The following DTNA variants were observed in gnomAD, a reference collection of about 807,000 sequenced individuals.
DTNA encodes dystrobrevin alpha, also known as dystrophin-related protein 3.
In DTNA, 43 loss-of-function variants were observed where a neutral mutation model predicts 100.7. That is an observed-to-expected ratio of 0.43 (90% CI 0.33 to 0.55). The LOEUF (loss-of-function observed/expected upper bound fraction) is 0.55, where lower values mean the gene tolerates loss of function less well. DTNA is among the 20% of genes least tolerant of loss of function. The pLI is 0.04. For synonymous variants in DTNA, 349 were observed against 347.9 expected (o/e 1.00, Z -0.04); for missense variants, 798 against 953.9 (o/e 0.84, Z 2.15).
At chr18:34,508,672 A>G (rs1345049971) in intron 1 of DTNA, among the ~76,000 whole-genome samples, 3 of 152,156 alleles carry the variant, frequency 2.0e-5, no homozygotes, top group Admixed American at 2.0e-4. Context: ...TATTTTAAGG[A>G]CAGTATTTTA....
At chr18:34,594,605 A>G (rs755083161) in intron 1 of DTNA, among the ~76,000 whole-genome samples, 1 of 152,248 alleles carries the variant, frequency 6.6e-6, no homozygotes, top group Admixed American at 6.5e-5. Context: ...GGTACAAACA[A>G]TGAAGGGCTT....
intron 1 of DTNA, chr18:34,593,556 T>G (rs1598804870): frequency 6.6e-6 from 1 of 152,290 alleles, no homozygotes; most frequent in South Asian, 2.1e-4. Flanking sequence ...AAAAGATTGG[T>G]TTTTAAAGTG....
intron 12 of DTNA, 40 bp downstream of exon 12, chr18:34,838,211 T>G: frequency 1.2e-6 from 2 of 1,602,748 alleles, no homozygotes; most frequent in Non-Finnish European, 1.7e-6. Flanking sequence ...CTGCATTAAC[T>G]AAACTAAAAA....
chr18:34,864,153 C>G (rs1410372445), intron 17 of DTNA, 91 bp downstream of exon 17: 2 of 1,152,870 alleles, frequency 1.7e-6, no homozygotes, highest in Admixed American at 4.0e-5. Context: ...TTTCCAATTG[C>G]TGTATGTGAT....
At chr18:34,750,841 A>G (rs544310240) in intron 1 of DTNA, among the ~76,000 whole-genome samples, 1 of 152,348 alleles carries the variant, frequency 6.6e-6, no homozygotes, top group African/African-American at 2.4e-5. Context: ...GTGTTGGATG[A>G]AAGGTGTGCC....
intron 1 of DTNA, among the ~76,000 whole-genome samples, chr18:34,704,103 A>G (rs541221739): frequency 7.2e-5 from 11 of 152,294 alleles, no homozygotes; most frequent in Admixed American, 4.6e-4. Flanking sequence ...GTCATCAATA[A>G]TTAACTTTGT....
rs540059735 is a variant in DTNA, at chr18:34,552,579, C to A, written c.-2+59065C>A. On this transcript the variant is annotated intron_variant, in intron 1 of 19. Transcript: ENST00000283365. ...GAGTGTGATATTCCCCTTCCTGTGT[C>A]CATGTGATCTCATTGTTCAATTCCC... is the stretch of plus-strand genomic sequence containing the variant. Among the ~76,000 whole-genome samples the A allele has an allele frequency of 2.0e-4, 28 of 140,608 alleles. No individual in the cohort carries two copies. The South Asian group carries it at 3.3e-3, about 16-fold the overall frequency. 92.2% of individuals were successfully genotyped at this position (140,608 alleles called of 152,430 possible).
intron 1 of DTNA, among the ~76,000 whole-genome samples, chr18:34,718,332 T>A (rs1296239693): frequency 6.6e-6 from 1 of 152,214 alleles, no homozygotes; most frequent in African/African-American, 2.4e-5. Flanking sequence ...ATCTTAACAT[T>A]CTTTGATTTT....
chr18:34,570,286 G>A (rs908030365), intron 1 of DTNA, among the ~76,000 whole-genome samples: 30 of 152,190 alleles, frequency 2.0e-4, no homozygotes, highest in African/African-American at 7.0e-4. Context: ...CTCAATAAAA[G>A]TGATGGATAA....
intron 1 of DTNA, among the ~76,000 whole-genome samples, chr18:34,658,226 T>A (rs73946122): frequency 0.014 from 2,194 of 152,314 alleles, 41 homozygotes; most frequent in African/African-American, 0.047. Flanking sequence ...GGGGATAATT[T>A]ACTAGCAGTG....
chr18:34,731,395 C>T (rs866081214), intron 1 of DTNA, among the ~76,000 whole-genome samples: 7 of 151,912 alleles, frequency 4.6e-5, no homozygotes, highest in Admixed American at 1.3e-4. Flanking sequence ...AGGAGAATGG[C>T]GTGAACCCGG....
chr18:34,703,488 CT>C (rs2081676128), intron 1 of DTNA, among the ~76,000 whole-genome samples: 1 of 152,150 alleles, frequency 6.6e-6, no homozygotes, highest in African/African-American at 2.4e-5. Flanking sequence ...ACTTTCCTTC[CT>C]GTTTATTGTT....
At chr18:34,821,209 T>G in intron 9 of DTNA, 2 of 544,892 alleles carry the variant, frequency 3.7e-6, no homozygotes, top group South Asian at 3.1e-5. Context: ...ACATTGGAAG[T>G]TAACAATGGG....
chr18:34,613,748 G>C (rs1599058690), intron 1 of DTNA, among the ~76,000 whole-genome samples: 1 of 152,176 alleles, frequency 6.6e-6, no homozygotes, highest in Non-Finnish European at 1.5e-5. Flanking sequence ...GGAGAGGTTG[G>C]TTCATGAGGT....
intron 1 of DTNA, among the ~76,000 whole-genome samples, chr18:34,737,355 G>A (rs530722017): frequency 2.6e-5 from 4 of 152,220 alleles, no homozygotes; most frequent in Admixed American, 6.5e-5. Flanking sequence ...TCACCTAAGC[G>A]AAATAGTAAT....
chr18:34,686,636 G>A (rs1048443228), intron 1 of DTNA, among the ~76,000 whole-genome samples: 1 of 152,168 alleles, frequency 6.6e-6, no homozygotes, highest in African/African-American at 2.4e-5. Context: ...TTGGTATCAG[G>A]ATGATGCTGG....
rs540758484 is a variant in DTNA at position 34,644,613 on chromosome 18, G to A, written c.-1-111363G>A. Among the ~76,000 whole-genome samples, 5 of 152,158 alleles carry A rather than the reference G, an allele frequency of 3.3e-5. No homozygotes were observed. In the East Asian group the frequency reaches 7.7e-4, roughly 23 times the overall value. On this transcript the variant is annotated intron_variant, in intron 1 of 19. Transcript: ENST00000283365. ...ATTTTTAATCATCAAGAATATCTGAGAAATATACAATTTGGCACCTCACTT... is the reference window on the plus strand; with the variant it reads ...ATTTTTAATCATCAAGAATATCTGAAAAATATACAATTTGGCACCTCACTT...
chr18:34,677,385 C>G (rs2077520316), intron 1 of DTNA, among the ~76,000 whole-genome samples: 1 of 152,046 alleles, frequency 6.6e-6, no homozygotes, highest in African/African-American at 2.4e-5. Flanking sequence ...GCAAGTCATC[C>G]TTCCCAAAAT....
At chr18:34,531,166 C>A (rs1352977724) in intron 1 of DTNA, among the ~76,000 whole-genome samples, 2 of 152,100 alleles carry the variant, frequency 1.3e-5, no homozygotes, top group African/African-American at 4.8e-5. Context: ...TCCTGGAAAT[C>A]TCTTGCTTTA....
Sources: allele counts gnomAD v4.1 joint callset (sites outside exome capture counted in the v4.1 genomes callset), GRCh38; gene constraint gnomAD v4.1.1; transcripts MANE v1.5; gene names NCBI Gene and HGNC (gene_info 2026-07-23, HGNC 2026-07-21).